Variants in MARCHF1 observed in about 807,000 individuals in gnomAD.
MARCHF1 encodes the protein membrane associated ring-CH-type finger 1, also known as E3 ubiquitin-protein ligase MARCHF1.
A neutral mutation model predicts 54.2 loss-of-function variants in MARCHF1; 40 were observed. That is an observed-to-expected ratio of 0.74 (90% CI 0.57 to 0.96). MARCHF1 has a LOEUF of 0.96. Among genes scored for constraint, MARCHF1 ranks in the 40% least tolerant of loss-of-function variants. The probability of loss-of-function intolerance (pLI) is 0.00; values close to 1 mark genes in which losing one functional copy is unlikely to be tolerated. For synonymous variants in MARCHF1, 236 were observed against 236.3 expected, an observed-to-expected ratio of 1.00 and a Z score of 0.01; for missense variants, 586 against 656.5, an observed-to-expected ratio of 0.89 and a Z score of 1.17.
chr4:163,947,179 T>G (rs2110770180), intron 3 of MARCHF1, among the ~76,000 whole-genome samples: 1 of 152,328 alleles, frequency 6.6e-6, no homozygotes, highest in Non-Finnish European at 1.5e-5. Flanking sequence ...ATAGGAAGGC[T>G]TTTCACTTTA....
At chr4:163,922,181 C>T (rs771674395) in intron 3 of MARCHF1, among the ~76,000 whole-genome samples, 13 of 31,868 alleles carry the variant, frequency 4.1e-4, no homozygotes, top group South Asian at 1.2e-3. Flanking sequence ...CACATGGATG[C>T]GGGGGGGAGC....
chr4:163,966,978 A>G (rs1174535421), intron 3 of MARCHF1, among the ~76,000 whole-genome samples: 1 of 152,150 alleles, frequency 6.6e-6, no homozygotes, highest in African/African-American at 2.4e-5. Context: ...TGGGCTTTTA[A>G]AAAACCAAAC....
intron 1 of MARCHF1, among the ~76,000 whole-genome samples, chr4:164,326,714 C>T (rs566203904): frequency 6.6e-6 from 1 of 152,278 alleles, no homozygotes; most frequent in South Asian, 2.1e-4. Flanking sequence ...AATAAGATAA[C>T]TAAAAATGTT....
intron 1 of MARCHF1, among the ~76,000 whole-genome samples, chr4:164,134,941 A>G (rs1023699): frequency 0.41 from 62,375 of 152,038 alleles, 14,040 homozygotes; most frequent in Non-Finnish European, 0.5. Flanking sequence ...TCTGGACAAT[A>G]TCGTCAAAAT....
chr4:164,350,910 C>T (rs867636381), intron 1 of MARCHF1, among the ~76,000 whole-genome samples: 3 of 151,982 alleles, frequency 2.0e-5, no homozygotes, highest in South Asian at 2.1e-4. Context: ...GTGCGTGCAC[C>T]GGGCGCGAGC....
chr4:163,606,266 G>A (rs1173970788), intron 7 of MARCHF1, among the ~76,000 whole-genome samples: 1 of 151,916 alleles, frequency 6.6e-6, no homozygotes, highest in Non-Finnish European at 1.5e-5. Context: ...TCCCATTATT[G>A]TCTCCATGTT....
chr4:163,817,367 A>C (rs747277932), intron 4 of MARCHF1, among the ~76,000 whole-genome samples: 1 of 148,216 alleles, frequency 6.7e-6, no homozygotes, highest in Admixed American at 6.7e-5. Flanking sequence ...ACATACATAC[A>C]TATACATACA....
At chr4:163,839,730 G>A (rs1749286147) in intron 4 of MARCHF1, among the ~76,000 whole-genome samples, 1 of 152,108 alleles carries the variant, frequency 6.6e-6, no homozygotes, top group Admixed American at 6.6e-5. Flanking sequence ...AAGGGCTGGT[G>A]AGTAACTGCT....
At chr4:163,883,194 A>T (rs1333486852) in intron 3 of MARCHF1, among the ~76,000 whole-genome samples, 1 of 151,908 alleles carries the variant, frequency 6.6e-6, no homozygotes, top group Non-Finnish European at 1.5e-5. Context: ...TACAACAAAT[A>T]ATAATTTATT....
chr4:163,951,302 C>T (rs981437405), intron 3 of MARCHF1, among the ~76,000 whole-genome samples: 4 of 152,134 alleles, frequency 2.6e-5, no homozygotes, highest in Admixed American at 6.5e-5. Flanking sequence ...CCTTAACTCT[C>T]ATCTATGAAG....
At chr4:163,860,934 A>G (rs1438208884) in intron 3 of MARCHF1, among the ~76,000 whole-genome samples, 1 of 152,218 alleles carries the variant, frequency 6.6e-6, no homozygotes, top group Non-Finnish European at 1.5e-5. Flanking sequence ...ATTACGAAGC[A>G]TGCTAGAAAG....
chr4:164,114,613 T>G (rs1755902765), intron 1 of MARCHF1, among the ~76,000 whole-genome samples: 2 of 151,548 alleles, frequency 1.3e-5, no homozygotes, highest in Non-Finnish European at 3.0e-5. Context: ...TTATGTTATA[T>G]TTTGCTATTT....
At chr4:164,373,520 A>C (rs1578910178) in intron 1 of MARCHF1, among the ~76,000 whole-genome samples, 2 of 151,834 alleles carry the variant, frequency 1.3e-5, no homozygotes, top group South Asian at 4.2e-4. Context: ...ATGCCCAGCT[A>C]ATTTTTGTAT....
At position 164,037,056 on chromosome 4, in the gene MARCHF1, A is replaced by C. The variant is rs149524879; in HGVS notation, c.-247-48347T>G. On this transcript the variant is annotated intron_variant, in intron 2 of 9. Transcript: ENST00000514618. ...GGGAATAAGAAAAGAGCAAAACATC[A>C]TTCTAAGATTTGGGGCTTGAACAAT... is the stretch of plus-strand genomic sequence containing the variant. Among the ~76,000 whole-genome samples the C allele has an allele frequency of 3.8e-3, 578 of 152,306 alleles. 2 individuals carry two copies. Among genetic ancestry groups the C allele is most frequent in the African/African-American group, 0.011 (438 of 41,570 alleles).
chr4:164,274,383 T>A (rs1252392032), intron 1 of MARCHF1, among the ~76,000 whole-genome samples: 1 of 150,708 alleles, frequency 6.6e-6, no homozygotes, highest in Non-Finnish European at 1.5e-5. Context: ...TGTTTCTGAA[T>A]GATTAACAAG....
At chr4:163,626,948 C>T (rs918567558) in intron 5 of MARCHF1, among the ~76,000 whole-genome samples, 3 of 151,932 alleles carry the variant, frequency 2.0e-5, no homozygotes, top group Non-Finnish European at 4.4e-5. Flanking sequence ...CCAAACCAAA[C>T]CTAGTTCTAG....
At chr4:163,670,537 T>C (rs1743701069) in intron 5 of MARCHF1, among the ~76,000 whole-genome samples, 1 of 152,068 alleles carries the variant, frequency 6.6e-6, no homozygotes, top group African/African-American at 2.4e-5. Context: ...TCTTTCTCTT[T>C]TGTTTCTGTT....
At chr4:163,651,227 T>C (rs1283749554) in intron 5 of MARCHF1, among the ~76,000 whole-genome samples, 5 of 151,906 alleles carry the variant, frequency 3.3e-5, no homozygotes, top group African/African-American at 4.8e-5. Flanking sequence ...TTTTGGATTG[T>C]TGTTTGCTAG....
chr4:163,782,413 G>A (rs1206982304), intron 4 of MARCHF1, among the ~76,000 whole-genome samples: 1 of 152,132 alleles, frequency 6.6e-6, no homozygotes, highest in African/African-American at 2.4e-5. Flanking sequence ...GCTCATGCCT[G>A]TATTCCCAGC....
Sources: allele counts gnomAD v4.1 joint callset (sites outside exome capture counted in the v4.1 genomes callset), GRCh38; gene constraint gnomAD v4.1.1; transcripts MANE v1.5; gene names NCBI Gene and HGNC (gene_info 2026-07-23, HGNC 2026-07-21).